ENTREP1: variants seen among roughly 807,000 people sequenced by gnomAD.
ENTREP1 encodes Friedreich ataxia region gene X123.
the ENTREP1 span, among the ~76,000 whole-genome samples, chr9:69,353,588 G>A: frequency 6.6e-6 from 1 of 152,142 alleles, no homozygotes; most frequent in South Asian, 2.1e-4. Flanking sequence ...GAATTTCCTA[G>A]TGTCATCTAA....
At chr9:69,324,798 A>G in the ENTREP1 span, 1 of 984,976 alleles carries the variant, frequency 1.0e-6, no homozygotes, top group Non-Finnish European at 1.2e-6. Context: ...AAAGCGCGCC[A>G]GGGCCTCTCT....
At chr9:69,391,047 G>T in the ENTREP1 span, among the ~76,000 whole-genome samples, 1 of 151,318 alleles carries the variant, frequency 6.6e-6, no homozygotes, top group East Asian at 1.9e-4. Context: ...GCCTCCCAAA[G>T]TGCTGGGATT....
At chr9:69,343,453 T>A in the ENTREP1 span, among the ~76,000 whole-genome samples, 1 of 152,188 alleles carries the variant, frequency 6.6e-6, no homozygotes, top group East Asian at 1.9e-4. Context: ...TGATTGTTTT[T>A]TTTGAGACAG....
the ENTREP1 span, among the ~76,000 whole-genome samples, chr9:69,372,294 T>G: frequency 1.3e-5 from 2 of 152,228 alleles, no homozygotes; most frequent in East Asian, 1.9e-4. Context: ...TCTCTAGAAC[T>G]CTTTTCATAT....
At chr9:69,355,502 A>C in the ENTREP1 span, among the ~76,000 whole-genome samples, 7 of 152,338 alleles carry the variant, frequency 4.6e-5, no homozygotes, top group Middle Eastern at 3.4e-3. Flanking sequence ...ACAAAGAGTC[A>C]TATAGTCTGG....
At chr9:69,368,362 A>C in the ENTREP1 span, among the ~76,000 whole-genome samples, 1 of 152,018 alleles carries the variant, frequency 6.6e-6, no homozygotes, top group African/African-American at 2.4e-5. Context: ...ATGTTGAGGT[A>C]TGTTTCTTCT....
chr9:69,387,637 C>A, the ENTREP1 span: 5 of 263,878 alleles, frequency 1.9e-5, no homozygotes, highest in South Asian at 2.2e-4. Flanking sequence ...GTGTGAGCAT[C>A]GATAACACAA....
the ENTREP1 span, chr9:69,336,376 A>C: frequency 1.5e-6 from 1 of 666,970 alleles, no homozygotes; most frequent in East Asian, 2.7e-5. Flanking sequence ...TTCATTAAAA[A>C]AATAAGTTAA....
At chr9:69,383,517 G>C in the ENTREP1 span, 12 of 1,548,044 alleles carry the variant, frequency 7.8e-6, no homozygotes, top group Non-Finnish European at 1.0e-5. Flanking sequence ...CCATGGTATG[G>C]AGAGGTGAGT....
the ENTREP1 span, chr9:69,385,973 C>T: frequency 4.4e-6 from 7 of 1,584,120 alleles, no homozygotes; most frequent in Admixed American, 1.1e-4. Flanking sequence ...AAGCTCTTCG[C>T]AGGGCTGTGT....
the ENTREP1 span, among the ~76,000 whole-genome samples, chr9:69,341,475 A>G: frequency 2.3e-5 from 2 of 86,020 alleles, no homozygotes; most frequent in African/African-American, 1.1e-4. Flanking sequence ...ATGGCTTAAG[A>G]TATGCTTAAT....
At chr9:69,329,610 C>T in the ENTREP1 span, 2 of 984,964 alleles carry the variant, frequency 2.0e-6, no homozygotes, top group Non-Finnish European at 2.4e-6. Context: ...CCTGGTATCA[C>T]CGGTAAATCA....
chr9:69,368,847 A>G, the ENTREP1 span, among the ~76,000 whole-genome samples: 216 of 151,110 alleles, frequency 1.4e-3, 1 homozygote, highest in African/African-American at 5.1e-3. Flanking sequence ...TTTTTTTTTA[A>G]ATTATACTTT....
At chr9:69,371,789 A>T in the ENTREP1 span, among the ~76,000 whole-genome samples, 1 of 152,176 alleles carries the variant, frequency 6.6e-6, no homozygotes, top group African/African-American at 2.4e-5. Flanking sequence ...CAAGTTGTCG[A>T]TTACTTTTTC....
At chr9:69,328,053 G>A in the ENTREP1 span, among the ~76,000 whole-genome samples, 2 of 152,240 alleles carry the variant, frequency 1.3e-5, no homozygotes, top group African/African-American at 2.4e-5. Context: ...TAAAAACCTC[G>A]TGTTATGGAA....
At chr9:69,391,882 C>T in the ENTREP1 span, 10 of 1,382,756 alleles carry the variant, frequency 7.2e-6, no homozygotes, top group African/African-American at 1.5e-4. Flanking sequence ...AGCTGTGGTC[C>T]ACCTCAAAAA....
the ENTREP1 span, chr9:69,385,926 C>T: frequency 6.2e-7 from 1 of 1,610,292 alleles, no homozygotes; most frequent in African/African-American, 1.3e-5. Flanking sequence ...TGACCCTGTG[C>T]TCCATCCTTC....
At chr9:69,339,754 T>C in the ENTREP1 span, among the ~76,000 whole-genome samples, 112 of 152,294 alleles carry the variant, frequency 7.4e-4, no homozygotes, top group African/African-American at 2.5e-3. Context: ...ACCTTCTGAC[T>C]TGGGACTTTC....
At chr9:69,345,049 A>T in the ENTREP1 span, among the ~76,000 whole-genome samples, 74,816 of 151,962 alleles carry the variant, frequency 0.49, 18,635 homozygotes, top group South Asian at 0.53. Flanking sequence ...AACTAAATAG[A>T]TTCATTTTAA....
Sources: gnomAD v4.1 joint callset for allele counts (sites outside exome capture counted in the v4.1 genomes callset) on GRCh38, gnomAD v4.1.1 for gene constraint, MANE v1.5 for transcripts, NCBI Gene and HGNC (gene_info 2026-07-23, HGNC 2026-07-21) for gene names.